The following AVL9 variants were observed in gnomAD, a reference collection of about 807,000 sequenced individuals.
AVL9 encodes the protein late secretory pathway protein AVL9 homolog.
In AVL9, 49 loss-of-function variants were observed where a neutral mutation model predicts 79.2. That is an observed-to-expected ratio of 0.62 (90% confidence interval 0.49 to 0.79). The LOEUF is 0.79. Among genes scored for constraint, AVL9 ranks in the 30% least tolerant of loss-of-function variants. The probability of loss-of-function intolerance (pLI) is 0.00; values close to 1 mark genes in which losing one functional copy is unlikely to be tolerated. For missense variants in AVL9, 682 were observed against 776.8 expected (o/e 0.88, Z 1.45); for synonymous variants, 299 against 280.6 (o/e 1.07, Z -0.65).
At chr7:32,521,866 C>A (rs150309406) in intron 1 of AVL9, among the ~76,000 whole-genome samples, 21 of 152,296 alleles carry the variant, frequency 1.4e-4, no homozygotes, top group African/African-American at 5.1e-4. Context: ...AGGGATGTGG[C>A]ACCCTGTGTC....
chr7:32,579,328 AAT>A (rs1369880976), intron 13 of AVL9, among the ~76,000 whole-genome samples: 4 of 28,282 alleles, frequency 1.4e-4, no homozygotes, highest in African/African-American at 3.9e-4. Flanking sequence ...TATTTTATAT[AAT>A]ATATATAACA....
intron 10 of AVL9, chr7:32,562,844 C>T (rs1790387512): frequency 1.3e-5 from 2 of 152,912 alleles, no homozygotes; most frequent in Non-Finnish European, 2.9e-5. Context: ...ATCTCTTGAA[C>T]CCAGGACTTT....
chr7:32,548,892 A>G lies in AVL9; in HGVS notation c.346A>G (p.Lys116Glu). 6.3e-7 allele frequency: 1 copy of G among 1,578,908 alleles called. No homozygotes were observed. Among genetic ancestry groups the G allele is most frequent in the Non-Finnish European group, 8.6e-7 (1 of 1,163,696 alleles). ...AGATATCACCAGAGAGACTGTTCAG[A>G]AAAGTGTCTGTGTTCTAAGCAAGCT... The part of the protein sequence containing the change: ...QADITRETVQ[K>E]SVCVLSKLPL... Residue 116 changes from lysine to glutamate, a missense_variant, in exon 4 of 16, where the codon AAA (lysine) becomes GAA (glutamate). By Grantham distance (56) the Lys-to-Glu change is moderately conservative. Coordinates refer to ENST00000318709, the MANE Select transcript of AVL9 (RefSeq NM_015060.3).
intron 1 of AVL9, 43 bp downstream of exon 1, chr7:32,495,845 C>T (rs1287147725): frequency 4.1e-6 from 5 of 1,232,880 alleles, no homozygotes; most frequent in South Asian, 3.7e-5. Context: ...TTCGGGCGTT[C>T]GCCCCTTCCG....
intron 1 of AVL9, among the ~76,000 whole-genome samples, chr7:32,499,036 G>GTA: frequency 7.6e-6 from 1 of 130,856 alleles, no homozygotes; most frequent in Non-Finnish European, 1.6e-5. Context: ...GGTGGCACAT[G>GTA]CCTGTGATCC....
intron 1 of AVL9, among the ~76,000 whole-genome samples, chr7:32,516,606 G>C (rs191781409): frequency 2.0e-5 from 3 of 152,126 alleles, no homozygotes; most frequent in Non-Finnish European, 4.4e-5. Context: ...GTTTTAAAAG[G>C]CTTGTCCAAG....
intron 1 of AVL9, chr7:32,536,840 T>C (rs1788933737): frequency 6.6e-6 from 1 of 152,224 alleles, no homozygotes; most frequent in African/African-American, 2.4e-5. Flanking sequence ...ACTGGTTTAT[T>C]ATTAAAGGAC....
rs7788890 is a variant in AVL9 at position 32,522,076 on chromosome 7, G to T, written c.94-21065G>T. On this transcript the variant is annotated intron_variant, in intron 1 of 15. Coordinates refer to ENST00000318709, the MANE Select transcript of AVL9 (RefSeq NM_015060.3). ...TGTCTAGATGCCCAGGCAAAAGTTT[G>T]CTATGGGGTGGGGCCCTCATAGAGA... Among the ~76,000 whole-genome samples, 1,333 of 152,352 alleles carry T rather than the reference G, an allele frequency of 8.7e-3. 21 individuals carry two copies. The highest frequency in any genetic ancestry group is 0.029 in the African/African-American group (1,211 of 41,572).
At chr7:32,523,317 C>T in intron 1 of AVL9, among the ~76,000 whole-genome samples, 1 of 151,466 alleles carries the variant, frequency 6.6e-6, no homozygotes. Flanking sequence ...GCTGACATTG[C>T]CTGGGGCAAT....
At position 32,559,140 on chromosome 7, in the gene AVL9, G is replaced by T. The variant is rs200566956; in HGVS notation, c.891G>T (p.Leu297Phe). The T allele has an allele frequency of 1.1e-5, 17 of 1,614,098 alleles. No homozygotes were observed. The Admixed American group carries it at 2.0e-4, about 19-fold the overall frequency. Reference sequence around the variant, plus strand: ...CTGCCATGAAGACTGAGGAGCCTTTGTTCCAAGTGGAAGACAGCAGCAAAG... The same window carrying T: ...CTGCCATGAAGACTGAGGAGCCTTTTTTCCAAGTGGAAGACAGCAGCAAAG... The part of the protein sequence containing the change: ...EDAAMKTEEP[L>F]FQVEDSSKGQ... The change falls in exon 10 of 16, where the codon TTG becomes TTT. Residue 297 changes from leucine to phenylalanine, a missense_variant. Transcript: ENST00000318709.
chr7:32,552,306 G>T lies in AVL9; in HGVS notation c.529+11G>T. On this transcript the variant is annotated intron_variant, in intron 6 of 15. Transcript: ENST00000318709. ...CCCAAGTATATCTTGGTAAGTAACT[G>T]ACTTACAAGTTAAAAGAGATCCCCT... 1.9e-6 allele frequency: 3 copies of T among 1,550,898 alleles called. No homozygotes were observed. Among genetic ancestry groups the T allele is most frequent in the South Asian group, 1.1e-5 (1 of 88,934 alleles).
chr7:32,512,969 G>T (rs1311657513), intron 1 of AVL9, among the ~76,000 whole-genome samples: 1 of 152,182 alleles, frequency 6.6e-6, no homozygotes, highest in East Asian at 1.9e-4. Flanking sequence ...CCATGAGGAG[G>T]CATGGAGAGA....
In AVL9 at chr7:32,588,033, T is replaced by C. The variant is rs932270021; in HGVS notation, c.*4126T>C. 2 of 152,208 alleles carry C rather than the reference T, an allele frequency of 1.3e-5. No individual in the cohort carries two copies. The highest frequency in any genetic ancestry group is 4.8e-5 in the African/African-American group (2 of 41,470). The allele number at this position is 152,208 out of a possible 1,614,324, so 9.4% of individuals were successfully genotyped here. A position where few individuals can be genotyped will look rare whatever the true frequency, so the allele number is the denominator to read the frequency against. ...TTGTAAAACTCTAAATACATTTGTA[T>C]TTCTGTGCTGTTCTAAAGTTTACCT... On this transcript the variant is annotated 3_prime_UTR_variant, in exon 16 of 16. Transcript: ENST00000318709.
In AVL9 at chr7:32,544,733, G is replaced by C; in HGVS notation, c.254G>C (p.Gly85Ala). 1.9e-6 allele frequency: 3 copies of C among 1,613,766 alleles called. No homozygotes were observed. The South Asian group carries it at 3.3e-5, about 18-fold the overall frequency. Residue 85 changes from glycine to alanine, a missense_variant, in exon 3 of 16, where the codon GGA becomes GCA. Gly to Ala is a moderately conservative substitution (Grantham distance 60). Coordinates refer to ENST00000318709, the MANE Select transcript of AVL9 (RefSeq NM_015060.3). ...FFHLPPRNGN[G>A]ATVFGISCYR... is the part of the protein sequence containing the mutation. ...CACTTGCCACCCAGAAATGGAAATG[G>C]AGCCACAGTATTTGGTATCTCTTGC...
chr7:32,555,067 G>T (rs1789997527), intron 8 of AVL9, among the ~76,000 whole-genome samples: 1 of 152,226 alleles, frequency 6.6e-6, no homozygotes, highest in South Asian at 2.1e-4. Flanking sequence ...GGCCGGGCAC[G>T]GTGGCTCACA....
chr7:32,569,489 A>G (rs1448741154), intron 10 of AVL9, among the ~76,000 whole-genome samples: 3 of 152,204 alleles, frequency 2.0e-5, no homozygotes, highest in Non-Finnish European at 2.9e-5. Context: ...TACCAGTGTC[A>G]TTTTTGCTTT....
chr7:32,512,925 T>G (rs1214518493), intron 1 of AVL9, among the ~76,000 whole-genome samples: 1 of 152,196 alleles, frequency 6.6e-6, no homozygotes, highest in Non-Finnish European at 1.5e-5. Flanking sequence ...TCCTCTTGTT[T>G]CATACTAACT....
At chr7:32,524,824 G>T (rs770809684) in intron 1 of AVL9, among the ~76,000 whole-genome samples, 2 of 152,128 alleles carry the variant, frequency 1.3e-5, no homozygotes, top group Admixed American at 1.3e-4. Context: ...ATAACTACTG[G>T]ACTAGAGAAT....
chr7:32,568,020 C>G (rs1175305381), intron 10 of AVL9, among the ~76,000 whole-genome samples: 1 of 151,474 alleles, frequency 6.6e-6, no homozygotes, highest in African/African-American at 2.4e-5. Context: ...GCGCCCAGCC[C>G]TTTTTTTAAT....
Sources: allele counts gnomAD v4.1 joint callset (sites outside exome capture counted in the v4.1 genomes callset), GRCh38; gene constraint gnomAD v4.1.1; transcripts MANE v1.5; gene names NCBI Gene and HGNC (gene_info 2026-07-23, HGNC 2026-07-21).